SSBP3: variants seen among roughly 807,000 people sequenced by gnomAD.
SSBP3 encodes single stranded DNA binding protein 3.
Under a neutral mutation model 69.6 loss-of-function variants are expected in SSBP3, and 5 were observed. The ratio of observed to expected loss-of-function variants is 0.07; its 90% CI spans 0.04 to 0.15. The LOEUF is 0.15. SSBP3 is among the 10% of genes least tolerant of loss of function. The pLI, the probability that SSBP3 is intolerant of heterozygous loss-of-function variation, is 1.00. For missense variants in SSBP3, 312 were observed against 534.0 expected, an observed-to-expected ratio of 0.58 and a Z score of 4.10; for synonymous variants, 196 against 193.4, an observed-to-expected ratio of 1.01 and a Z score of -0.11.
At chr1:54,257,028 C>T in intron 7 of SSBP3, 99 bp downstream of exon 7, 2 of 1,261,370 alleles carry the variant, frequency 1.6e-6, no homozygotes, top group Non-Finnish European at 2.2e-6. Context: ...TGCCCCTCCA[C>T]CCCTCAATCC....
intron 13 of SSBP3, among the ~76,000 whole-genome samples, chr1:54,239,822 T>C (rs1237114577): frequency 6.6e-6 from 1 of 152,130 alleles, no homozygotes; most frequent in African/African-American, 2.4e-5. Context: ...TTCCCTGCTA[T>C]GGGGAGCCGA....
At chr1:54,406,014 G>A (rs749310169) in exon 1 of SSBP3, 1 of 1,472,626 alleles carries the variant, frequency 6.8e-7, no homozygotes, top group Admixed American at 2.3e-5. Context: ...AACATGGTTT[G>A]CAGGGAAGAG....
exon 8 of SSBP3, chr1:54,251,840 C>T: frequency 6.2e-7 from 1 of 1,611,774 alleles, no homozygotes; most frequent in Non-Finnish European, 8.5e-7. Context: ...ATGGCTGTGT[C>T]CCAGGAACTC....
chr1:54,305,925 T>C (rs1179296576), intron 4 of SSBP3, among the ~76,000 whole-genome samples: 2 of 150,794 alleles, frequency 1.3e-5, no homozygotes, highest in Non-Finnish European at 2.9e-5. Context: ...CTGTTTCCTA[T>C]GATGTTGTCT....
chr1:54,290,245 C>T (rs1645579226), intron 4 of SSBP3, among the ~76,000 whole-genome samples: 1 of 152,174 alleles, frequency 6.6e-6, no homozygotes, highest in African/African-American at 2.4e-5. Flanking sequence ...CCTTCTGCAC[C>T]CCTCATCATT....
intron 4 of SSBP3, among the ~76,000 whole-genome samples, chr1:54,383,265 C>G (rs1647818341): frequency 6.6e-6 from 1 of 151,954 alleles, no homozygotes; most frequent in Non-Finnish European, 1.5e-5. Context: ...GTAGTCCCAG[C>G]TACTCGGGAG....
intron 4 of SSBP3, among the ~76,000 whole-genome samples, chr1:54,393,416 T>C (rs1196885791): frequency 3.3e-5 from 5 of 152,176 alleles, no homozygotes; most frequent in African/African-American, 1.2e-4. Flanking sequence ...GTCATTCTGC[T>C]GGCCCCTTAT....
At chr1:54,276,535 C>G (rs760848325) in intron 5 of SSBP3, among the ~76,000 whole-genome samples, 1 of 136,162 alleles carries the variant, frequency 7.3e-6, no homozygotes, top group African/African-American at 2.8e-5. Flanking sequence ...CACTTGAACC[C>G]GGGAGGCGGA....
chr1:54,238,956 C>CCAG, intron 14 of SSBP3, 173 bp downstream of exon 14: 3 of 414,728 alleles, frequency 7.2e-6, no homozygotes, highest in Non-Finnish European at 1.4e-5. Flanking sequence ...CCCTGCCGCC[C>CCAG]ATGAAATGGG....
At chr1:54,353,090 C>T (rs1185751193) in intron 4 of SSBP3, among the ~76,000 whole-genome samples, 2 of 152,210 alleles carry the variant, frequency 1.3e-5, no homozygotes, top group Non-Finnish European at 2.9e-5. Flanking sequence ...CTCGCCTGCA[C>T]GGGGGCTCCA....
chr1:54,240,488 G>C (rs1644613386), intron 13 of SSBP3, among the ~76,000 whole-genome samples: 1 of 120,938 alleles, frequency 8.3e-6, no homozygotes, highest in Non-Finnish European at 1.7e-5. Flanking sequence ...GGGGGGCGGG[G>C]GGGAGAAGGG....
intron 4 of SSBP3, among the ~76,000 whole-genome samples, chr1:54,399,441 G>C (rs972299950): frequency 6.6e-6 from 1 of 152,178 alleles, no homozygotes; most frequent in African/African-American, 2.4e-5. Context: ...CTCTCATCGG[G>C]TCTCTGGCAG....
At chr1:54,325,632 G>C (rs1271891209) in intron 4 of SSBP3, among the ~76,000 whole-genome samples, 2 of 152,168 alleles carry the variant, frequency 1.3e-5, no homozygotes, top group East Asian at 3.8e-4. Flanking sequence ...TTTGCTGGGG[G>C]ATTCAATTAT....
chr1:54,226,269 C>T, exon 18 of SSBP3: 1 of 153,296 alleles, frequency 6.5e-6, no homozygotes, highest in Non-Finnish European at 1.5e-5. Flanking sequence ...ACAGTGCATG[C>T]CACCGGGTCA....
chr1:54,285,058 GAAGCTGAGGAGACGCCTTTATCATTTA>G (rs1206332384), intron 4 of SSBP3, among the ~76,000 whole-genome samples: 1 of 152,236 alleles, frequency 6.6e-6, no homozygotes, highest in Non-Finnish European at 1.5e-5. Flanking sequence ...TAAGGGGCAG[GAAGCTGAGGAGACGCCTTTATCATTTA>G]AAGCTTCTCA....
intron 4 of SSBP3, among the ~76,000 whole-genome samples, chr1:54,297,728 A>G (rs924219614): frequency 6.6e-6 from 1 of 152,182 alleles, no homozygotes; most frequent in Non-Finnish European, 1.5e-5. Context: ...ATGCCACACA[A>G]GAGCACTGGG....
intron 4 of SSBP3, among the ~76,000 whole-genome samples, chr1:54,369,522 A>C (rs1647090818): frequency 6.6e-6 from 1 of 152,226 alleles, no homozygotes; most frequent in Non-Finnish European, 1.5e-5. Flanking sequence ...GAGAACCACT[A>C]GTTAGGTGAC....
chr1:54,375,794 G>A (rs1462763483), intron 4 of SSBP3, among the ~76,000 whole-genome samples: 1 of 152,226 alleles, frequency 6.6e-6, no homozygotes, highest in African/African-American at 2.4e-5. Flanking sequence ...TGACGCTACA[G>A]GCGGCTGCGG....
intron 1 of SSBP3, 89 bp from the exon 2 acceptor site, chr1:54,405,019 C>T (rs1257339901): frequency 6.9e-6 from 8 of 1,166,956 alleles, no homozygotes; most frequent in Non-Finnish European, 1.0e-5. Flanking sequence ...GGCTTTGAGC[C>T]CTGTCTGCGC....
Sources: gnomAD v4.1 joint callset for allele counts (sites outside exome capture counted in the v4.1 genomes callset) on GRCh38, gnomAD v4.1.1 for gene constraint, MANE v1.5 for transcripts, NCBI Gene and HGNC (gene_info 2026-07-23, HGNC 2026-07-21) for gene names.